The following FAM13B variants were observed in gnomAD, a reference collection of about 807,000 sequenced individuals.
FAM13B encodes the protein family with sequence similarity 13 member B.
Under a neutral mutation model 117.3 loss-of-function variants are expected in FAM13B, and 60 were observed. The ratio of observed to expected loss-of-function variants is 0.51; its 90% CI spans 0.42 to 0.63. The LOEUF (loss-of-function observed/expected upper bound fraction) is 0.63. Among genes scored for constraint, FAM13B ranks in the 30% least tolerant of loss-of-function variants. FAM13B has a pLI of 0.00. For synonymous variants in FAM13B, 332 were observed against 356.1 expected, an observed-to-expected ratio of 0.93 and a Z score of 0.76; for missense variants, 972 against 1,091.9, an observed-to-expected ratio of 0.89 and a Z score of 1.55.
chr5:137,995,688 A>G (rs1394085454), intron 7 of FAM13B, among the ~76,000 whole-genome samples: 3 of 152,234 alleles, frequency 2.0e-5, no homozygotes, highest in Admixed American at 6.5e-5. Context: ...AGTATTTTAT[A>G]CCTATGACAA....
chr5:138,001,017 G>GTT (rs775857038), intron 7 of FAM13B, among the ~76,000 whole-genome samples: 16 of 151,084 alleles, frequency 1.1e-4, no homozygotes, highest in Non-Finnish European at 2.4e-4. Flanking sequence ...AATATTCTCA[G>GTT]TTTTTATTTC....
At chr5:137,955,689 T>A (rs945615240) in intron 14 of FAM13B, among the ~76,000 whole-genome samples, 1 of 152,160 alleles carries the variant, frequency 6.6e-6, no homozygotes, top group Admixed American at 6.5e-5. Context: ...TGGAGTGCAG[T>A]GGCACGATCT....
intron 13 of FAM13B, among the ~76,000 whole-genome samples, 185 bp from the exon 14 acceptor site, chr5:137,956,727 A>C (rs144976160): frequency 1.3e-5 from 2 of 149,868 alleles, no homozygotes; most frequent in Non-Finnish European, 3.0e-5. Flanking sequence ...CACAAACATA[A>C]CATTTCCATT....
chr5:138,006,975 C>T lies in FAM13B; in HGVS notation c.848+15G>A. 1.9e-6 allele frequency: 3 copies of T among 1,588,010 alleles called. No individual in the cohort carries two copies. Among genetic ancestry groups the T allele is most frequent in the Middle Eastern group, 1.7e-4 (1 of 5,956 alleles). Reference sequence around the variant, plus strand: ...AAATACTCAAAAGCTAAAGTTCATTCAACTGAGCTATTACCTTGTTGCCGT... The same window carrying T: ...AAATACTCAAAAGCTAAAGTTCATTTAACTGAGCTATTACCTTGTTGCCGT... On this transcript the variant is annotated intron_variant, in intron 7 of 23. Coordinates refer to ENST00000689681, the MANE Select transcript of FAM13B (RefSeq NM_001385994.1).
intron 10 of FAM13B, among the ~76,000 whole-genome samples, chr5:137,966,231 G>A (rs11242402): frequency 0.74 from 111,708 of 151,218 alleles, 41,910 homozygotes; most frequent in East Asian, 0.97. Context: ...GAGGTCAGGC[G>A]TTCAAGACCA....
rs376080066 is a variant in FAM13B, at chr5:137,997,474, A to AAT, written c.849-9161_849-9160dup. ...ACAAGAGCGAAACTCCATCTCAAAA[A>AAT]ATATATATATATATAATATATATAA... On this transcript the variant is annotated intron_variant, in intron 7 of 23. Coordinates refer to ENST00000689681, the MANE Select transcript of FAM13B (RefSeq NM_001385994.1). 6.3e-3 allele frequency among the ~76,000 whole-genome samples: 939 copies of AAT among 149,910 alleles called. 12 individuals carry two copies. Among genetic ancestry groups the AAT allele is most frequent in the African/African-American group, 0.022 (888 of 41,088 alleles).
At chr5:137,943,277 C>T in intron 20 of FAM13B, 61 bp from the exon 21 acceptor site, 1 of 1,300,914 alleles carries the variant, frequency 7.7e-7, no homozygotes, top group Non-Finnish European at 1.1e-6. Context: ...TCCAGTGAAG[C>T]TTCCCTTCAT....
chr5:137,940,827 T>C (rs1028586496), intron 23 of FAM13B, among the ~76,000 whole-genome samples: 5 of 152,246 alleles, frequency 3.3e-5, no homozygotes, highest in African/African-American at 1.2e-4. Context: ...AGCATCAAAC[T>C]ATCCTAACTA....
chr5:137,988,793 C>T (rs1777879424), intron 7 of FAM13B, among the ~76,000 whole-genome samples: 1 of 152,198 alleles, frequency 6.6e-6, no homozygotes, highest in South Asian at 2.1e-4. Context: ...CAAAAACACA[C>T]ACCACAGCAT....
chr5:137,977,720 G>T (rs1019353597), intron 10 of FAM13B, among the ~76,000 whole-genome samples: 2 of 152,108 alleles, frequency 1.3e-5, no homozygotes, highest in Admixed American at 6.6e-5. Flanking sequence ...TGTGCAAAAG[G>T]CATTCCACAC....
At chr5:138,007,297 G>A in intron 6 of FAM13B, 150 bp from the exon 7 acceptor site, 1 of 589,708 alleles carries the variant, frequency 1.7e-6, no homozygotes, top group Non-Finnish European at 2.8e-6. Context: ...GTAAGTAACT[G>A]TCAACTTTTT....
intron 18 of FAM13B, among the ~76,000 whole-genome samples, chr5:137,948,524 C>G (rs1352445270): frequency 1.3e-5 from 2 of 152,182 alleles, no homozygotes; most frequent in African/African-American, 4.8e-5. Context: ...TTCCAAGTAA[C>G]TGGAACTACA....
intron 1 of FAM13B, among the ~76,000 whole-genome samples, chr5:138,022,188 G>C (rs1482296660): frequency 1.3e-5 from 2 of 151,874 alleles, no homozygotes; most frequent in Non-Finnish European, 2.9e-5. Context: ...ACATAGGTAT[G>C]CAGTAGATAG....
chr5:138,025,320 T>TG (rs1277096760), intron 1 of FAM13B, among the ~76,000 whole-genome samples: 5 of 129,438 alleles, frequency 3.9e-5, no homozygotes, highest in African/African-American at 5.5e-5. Context: ...TGTATTTTTT[T>TG]TTTTTTTTTT....
chr5:137,980,124 C>T (rs1340877711), intron 10 of FAM13B, among the ~76,000 whole-genome samples: 2 of 149,052 alleles, frequency 1.3e-5, no homozygotes, highest in Non-Finnish European at 3.0e-5. Context: ...ACTGAGCCCA[C>T]ATCACACGAC....
intron 18 of FAM13B, among the ~76,000 whole-genome samples, chr5:137,947,333 G>GTGTA (rs570070528): frequency 1.2e-4 from 18 of 152,344 alleles, no homozygotes; most frequent in South Asian, 6.2e-4. Context: ...GGATAGCTGA[G>GTGTA]TGTAGTCTGT....
intron 17 of FAM13B, 67 bp from the exon 18 acceptor site, chr5:137,949,251 G>T: frequency 8.7e-7 from 1 of 1,149,906 alleles, no homozygotes; most frequent in Non-Finnish European, 1.3e-6. Context: ...CAAAGAATAA[G>T]CAAAATACAC....
intron 2 of FAM13B, among the ~76,000 whole-genome samples, chr5:138,020,403 G>A (rs1786414451): frequency 6.6e-6 from 1 of 152,144 alleles, no homozygotes; most frequent in South Asian, 2.1e-4. Flanking sequence ...AATTTTCAGA[G>A]CCATCTAGTT....
At chr5:138,001,336 C>G (rs1232663545) in intron 7 of FAM13B, among the ~76,000 whole-genome samples, 2 of 152,136 alleles carry the variant, frequency 1.3e-5, no homozygotes, top group African/African-American at 4.8e-5. Context: ...TTAAGAGCTC[C>G]CTATATACTA....
Sources: allele counts gnomAD v4.1 joint callset (sites outside exome capture counted in the v4.1 genomes callset), GRCh38; gene constraint gnomAD v4.1.1; transcripts MANE v1.5; gene names NCBI Gene and HGNC (gene_info 2026-07-23, HGNC 2026-07-21).